EPHA6: variants seen among roughly 807,000 people sequenced by gnomAD.
EPHA6 encodes the protein ephrin type-A receptor 6.
EPHA6 carries 50 observed loss-of-function variants against 112.0 expected under a neutral mutation model. The observed-to-expected ratio is 0.45, with a 90% CI of 0.36 to 0.56. The LOEUF is 0.56. Among genes scored for constraint, EPHA6 ranks in the 20% least tolerant of loss-of-function variants. The probability of loss-of-function intolerance (pLI) is 0.00; values close to 1 mark genes in which losing one functional copy is unlikely to be tolerated. For synonymous variants in EPHA6, 529 were observed against 490.7 expected (o/e 1.08, Z -1.03); for missense variants, 1,280 against 1,417.4 (o/e 0.90, Z 1.56).
At chr3:97,351,774 G>A (rs983286421) in intron 5 of EPHA6, among the ~76,000 whole-genome samples, 5 of 151,934 alleles carry the variant, frequency 3.3e-5, no homozygotes, top group African/African-American at 9.7e-5. Context: ...AAAAGAAAAC[G>A]TTTTCTTTTG....
intron 2 of EPHA6, among the ~76,000 whole-genome samples, chr3:96,936,316 T>C (rs955767511): frequency 6.6e-6 from 1 of 152,084 alleles, no homozygotes; most frequent in Non-Finnish European, 1.5e-5. Flanking sequence ...TTTTCAAAAA[T>C]ATGTTTGAAA....
At chr3:97,721,216 C>CTA (rs1207549559) in intron 15 of EPHA6, among the ~76,000 whole-genome samples, 1 of 152,106 alleles carries the variant, frequency 6.6e-6, no homozygotes, top group East Asian at 1.9e-4. Flanking sequence ...AAAACAAAGG[C>CTA]TACGTAACTA....
At chr3:97,184,409 A>T (rs1470926614) in intron 3 of EPHA6, among the ~76,000 whole-genome samples, 1 of 152,164 alleles carries the variant, frequency 6.6e-6, no homozygotes, top group South Asian at 2.1e-4. Flanking sequence ...AAGCATTCTT[A>T]TACACCAATA....
intron 3 of EPHA6, among the ~76,000 whole-genome samples, chr3:97,174,051 C>T (rs2076768376): frequency 6.6e-6 from 1 of 151,642 alleles, no homozygotes; most frequent in Admixed American, 6.6e-5. Flanking sequence ...CCCTTCCCAG[C>T]CTCTGATAAC....
intron 3 of EPHA6, among the ~76,000 whole-genome samples, chr3:97,180,800 T>G (rs2076966718): frequency 1.3e-5 from 2 of 152,156 alleles, no homozygotes; most frequent in Middle Eastern, 3.4e-3. Flanking sequence ...TTTGGAACTG[T>G]GATTTGTGCA....
chr3:97,203,345 G>A (rs2077628942), intron 3 of EPHA6, among the ~76,000 whole-genome samples: 1 of 152,070 alleles, frequency 6.6e-6, no homozygotes, highest in African/African-American at 2.4e-5. Flanking sequence ...ATGTATTTAG[G>A]GGTTAGAGCC....
At chr3:96,824,031 G>A (rs886864319) in intron 1 of EPHA6, among the ~76,000 whole-genome samples, 8 of 151,664 alleles carry the variant, frequency 5.3e-5, no homozygotes, top group African/African-American at 1.9e-4. Flanking sequence ...ACTGTGTTAT[G>A]GTATAATAAC....
chr3:97,056,439 A>C (rs2045855965), intron 3 of EPHA6, among the ~76,000 whole-genome samples: 1 of 152,188 alleles, frequency 6.6e-6, no homozygotes, highest in Non-Finnish European at 1.5e-5. Context: ...ATAGGTAGCA[A>C]AAGCACTGTC....
intron 5 of EPHA6, among the ~76,000 whole-genome samples, chr3:97,292,955 C>T (rs1045677656): frequency 1.0e-4 from 15 of 150,742 alleles, no homozygotes; most frequent in African/African-American, 2.4e-4. Flanking sequence ...GTCATCTCAC[C>T]GAGCATCCAG....
At chr3:97,726,872 C>A (rs747741879) in intron 15 of EPHA6, among the ~76,000 whole-genome samples, 1 of 151,902 alleles carries the variant, frequency 6.6e-6, no homozygotes, top group African/African-American at 2.4e-5. Context: ...ATTAAATAAC[C>A]AAATCCCCAC....
At chr3:97,705,197 T>C (rs571852191) in intron 14 of EPHA6, among the ~76,000 whole-genome samples, 21 of 152,204 alleles carry the variant, frequency 1.4e-4, no homozygotes, top group Admixed American at 7.2e-4. Context: ...CCAATTGAAC[T>C]CAACTTCTCT....
rs201384809 is a variant in EPHA6 at position 96,865,449 on chromosome 3, AG to A, written c.386-1374del. 4.5e-4 allele frequency among the ~76,000 whole-genome samples: 69 copies of A among 152,120 alleles called. 2 individuals are homozygous for A. The East Asian group carries it at 0.013, about 29-fold the overall frequency. On this transcript the variant is annotated intron_variant, in intron 1 of 17. Transcript: ENST00000389672. The stretch of plus-strand genomic sequence containing the variant: ...GTAATCCCAGCACTTTGGGAGGTCA[AG>A]GTGGGAGGGTCACTTGAGGCCAGGA...
intron 3 of EPHA6, among the ~76,000 whole-genome samples, chr3:97,076,336 A>G (rs1002018033): frequency 1.4e-4 from 21 of 152,204 alleles, no homozygotes; most frequent in African/African-American, 4.1e-4. Context: ...TGGTCTGGAT[A>G]GAAGATCAAA....
chr3:96,885,701 A>AT (rs2037582717), intron 2 of EPHA6, among the ~76,000 whole-genome samples: 1 of 151,190 alleles, frequency 6.6e-6, no homozygotes, highest in Non-Finnish European at 1.5e-5. Context: ...ATCTTTTGTA[A>AT]TTTTTTTAAT....
At position 97,507,591 on chromosome 3, in the gene EPHA6, T is replaced by C. The variant is rs147867363; in HGVS notation, c.2200+23532T>C. Among the ~76,000 whole-genome samples the C allele has an allele frequency of 6.5e-3, 995 of 152,266 alleles. 12 individuals carry two copies. Among genetic ancestry groups the C allele is most frequent in the African/African-American group, 0.022 (915 of 41,554 alleles). ...AGTATTTTATTGAGGATTTTTGCAT[T>C]GATGTTCATCAGGGATATTGGTCTG... On this transcript the variant is annotated intron_variant, in intron 10 of 17. Transcript: ENST00000389672.
intron 3 of EPHA6, among the ~76,000 whole-genome samples, chr3:97,157,637 T>C (rs2076319628): frequency 1.3e-5 from 2 of 151,964 alleles, no homozygotes; most frequent in African/African-American, 4.8e-5. Flanking sequence ...GGACAGCCTA[T>C]AGTGTAAATT....
At position 97,026,156 on chromosome 3, in the gene EPHA6, C is replaced by A. The variant is rs558449395; in HGVS notation, c.1114+38163C>A. Reference sequence around the variant, plus strand: ...TTTTTTTTTTTTTACCAGTACCATGCTGTTTTGGTTACTGGAGCACTGTAG... The same window carrying A: ...TTTTTTTTTTTTTACCAGTACCATGATGTTTTGGTTACTGGAGCACTGTAG... On this transcript the variant is annotated intron_variant, in intron 3 of 17. Transcript: ENST00000389672. Among the ~76,000 whole-genome samples, 108 of 133,882 alleles carry A rather than the reference C, an allele frequency of 8.1e-4. 1 individual carries two copies. The highest frequency in any genetic ancestry group is 2.9e-3 in the African/African-American group (103 of 35,774). The allele number at this position is 133,882 out of a possible 152,430, so 87.8% of individuals were successfully genotyped here.
chr3:97,644,323 A>G (rs2094037669), intron 14 of EPHA6, among the ~76,000 whole-genome samples: 1 of 148,224 alleles, frequency 6.7e-6, no homozygotes, highest in South Asian at 2.3e-4. Context: ...CTAAATGCCC[A>G]CAAGAGAAAG....
intron 8 of EPHA6, 147 bp from the exon 9 acceptor site, chr3:97,479,147 T>C: frequency 3.8e-6 from 2 of 521,336 alleles, no homozygotes; most frequent in African/African-American, 1.9e-5. Context: ...AAAAACCTAC[T>C]ATAGAATATT....
Sources: gnomAD v4.1 joint callset for allele counts (sites outside exome capture counted in the v4.1 genomes callset) on GRCh38, gnomAD v4.1.1 for gene constraint, MANE v1.5 for transcripts, NCBI Gene and HGNC (gene_info 2026-07-23, HGNC 2026-07-21) for gene names.